The following JARID2 variants were observed in gnomAD, a reference collection of about 807,000 sequenced individuals.
JARID2 encodes protein Jumonji.
Under a neutral mutation model 125.6 loss-of-function variants are expected in JARID2, and 21 were observed. The observed-to-expected ratio is 0.17, with a 90% CI of 0.12 to 0.24. The LOEUF (loss-of-function observed/expected upper bound fraction) is 0.24. Among genes scored for constraint, JARID2 ranks in the 10% least tolerant of loss-of-function variants. JARID2 has a pLI of 1.00. For missense variants in JARID2, 1,303 were observed against 1,639.6 expected, an observed-to-expected ratio of 0.79 and a Z score of 3.55; for synonymous variants, 736 against 661.6, an observed-to-expected ratio of 1.11 and a Z score of -1.73.
intron 4 of JARID2, among the ~76,000 whole-genome samples, chr6:15,457,127 T>C (rs1768220682): frequency 6.6e-6 from 1 of 152,230 alleles, no homozygotes; most frequent in Admixed American, 6.5e-5. Flanking sequence ...CTGATTTTCC[T>C]ACTTAACACT....
intron 3 of JARID2, among the ~76,000 whole-genome samples, chr6:15,443,246 A>G (rs560563224): frequency 6.6e-6 from 1 of 152,216 alleles, no homozygotes; most frequent in East Asian, 1.9e-4. Flanking sequence ...TTCTTCATGG[A>G]TAGAGCTGAT....
At chr6:15,306,479 C>T (rs1353709295) in intron 1 of JARID2, among the ~76,000 whole-genome samples, 3 of 151,714 alleles carry the variant, frequency 2.0e-5, no homozygotes, top group Non-Finnish European at 2.9e-5. Context: ...GGATTACAAA[C>T]GCCTGCCACA....
At chr6:15,275,141 T>TTGA (rs1450904596) in intron 1 of JARID2, among the ~76,000 whole-genome samples, 1 of 152,182 alleles carries the variant, frequency 6.6e-6, no homozygotes, top group African/African-American at 2.4e-5. Flanking sequence ...GAAGAGCTGT[T>TTGA]TGATCTCTCC....
chr6:15,286,704 C>CA (rs1561770961), intron 1 of JARID2, among the ~76,000 whole-genome samples: 2 of 151,164 alleles, frequency 1.3e-5, no homozygotes, highest in East Asian at 2.0e-4. Context: ...AATAAAAATA[C>CA]AAAAAAAATT....
intron 1 of JARID2, among the ~76,000 whole-genome samples, chr6:15,328,807 T>C (rs1407584146): frequency 6.6e-6 from 1 of 152,244 alleles, no homozygotes; most frequent in Non-Finnish European, 1.5e-5. Flanking sequence ...TAATATGGCA[T>C]GGGCTATTAT....
intron 1 of JARID2, among the ~76,000 whole-genome samples, chr6:15,320,745 A>G (rs116633281): frequency 1.3e-5 from 2 of 152,194 alleles, no homozygotes; most frequent in East Asian, 1.9e-4. Context: ...GGAGTTAAGC[A>G]TATGGCCTCT....
intron 3 of JARID2, among the ~76,000 whole-genome samples, chr6:15,419,621 T>C (rs1252063238): frequency 6.6e-6 from 1 of 152,252 alleles, no homozygotes; most frequent in Non-Finnish European, 1.5e-5. Context: ...TTATACAAAA[T>C]ACACCTTCAT....
At chr6:15,424,998 C>A (rs1260591809) in intron 3 of JARID2, among the ~76,000 whole-genome samples, 2 of 152,146 alleles carry the variant, frequency 1.3e-5, no homozygotes, top group African/African-American at 2.4e-5. Context: ...CATTAAGATA[C>A]GTTATTTTAT....
intron 2 of JARID2, among the ~76,000 whole-genome samples, chr6:15,378,125 G>C (rs981839966): frequency 1.3e-5 from 2 of 151,532 alleles, no homozygotes; most frequent in Admixed American, 6.6e-5. Context: ...TTGACCTTGT[G>C]ATCCGCCCAC....
intron 1 of JARID2, among the ~76,000 whole-genome samples, chr6:15,283,341 A>AT (rs58985984): frequency 0.011 from 1,342 of 123,788 alleles, 26 homozygotes; most frequent in East Asian, 0.033. Context: ...TCCTTTAAGT[A>AT]TTTTTTTTTT....
intron 1 of JARID2, among the ~76,000 whole-genome samples, chr6:15,371,596 A>G (rs1420512491): frequency 6.6e-6 from 1 of 152,182 alleles, no homozygotes; most frequent in African/African-American, 2.4e-5. Flanking sequence ...TGCTGTAAAG[A>G]TTAATTCAGC....
intron 1 of JARID2, among the ~76,000 whole-genome samples, chr6:15,257,339 G>A (rs1386563705): frequency 6.6e-6 from 1 of 152,038 alleles, no homozygotes; most frequent in African/African-American, 2.4e-5. Context: ...AGAAATCATT[G>A]AAATCACATA....
At chr6:15,376,955 G>A (rs1475721208) in intron 2 of JARID2, among the ~76,000 whole-genome samples, 2 of 152,158 alleles carry the variant, frequency 1.3e-5, no homozygotes, top group Non-Finnish European at 2.9e-5. Flanking sequence ...GCTGTGTTGT[G>A]CATATATATG....
intron 9 of JARID2, among the ~76,000 whole-genome samples, chr6:15,505,813 T>G (rs1000293433): frequency 3.3e-5 from 5 of 152,242 alleles, no homozygotes; most frequent in African/African-American, 1.2e-4. Flanking sequence ...TGAACCGTGG[T>G]CTAGGACACG....
chr6:15,302,870 G>T (rs1430856851), intron 1 of JARID2, among the ~76,000 whole-genome samples: 1 of 152,114 alleles, frequency 6.6e-6, no homozygotes, highest in Non-Finnish European at 1.5e-5. Flanking sequence ...AAGCAGCTGG[G>T]ATTATAGGCA....
chr6:15,336,826 G>A (rs1164649269), intron 1 of JARID2, among the ~76,000 whole-genome samples: 1 of 152,000 alleles, frequency 6.6e-6, no homozygotes, highest in Non-Finnish European at 1.5e-5. Flanking sequence ...GGGATTACCT[G>A]TGCGAGCCAC....
At chr6:15,400,151 A>G (rs540246707) in intron 2 of JARID2, among the ~76,000 whole-genome samples, 14 of 152,206 alleles carry the variant, frequency 9.2e-5, no homozygotes, top group African/African-American at 2.9e-4. Flanking sequence ...GTTTGATTAG[A>G]TTAGATCAAT....
chr6:15,441,758 C>T (rs564282916), intron 3 of JARID2, among the ~76,000 whole-genome samples: 76 of 152,148 alleles, frequency 5.0e-4, no homozygotes, highest in Non-Finnish European at 9.1e-4. Context: ...TAGAAGCATT[C>T]CACTGGATTT....
intron 1 of JARID2, among the ~76,000 whole-genome samples, chr6:15,348,554 CTTAA>C (rs1763323843): frequency 6.6e-6 from 1 of 152,108 alleles, no homozygotes; most frequent in African/African-American, 2.4e-5. Flanking sequence ...AAAGTTTGAA[CTTAA>C]TTAAATTTTT....
Sources: allele counts gnomAD v4.1 joint callset (sites outside exome capture counted in the v4.1 genomes callset), GRCh38; gene constraint gnomAD v4.1.1; transcripts MANE v1.5; gene names NCBI Gene and HGNC (gene_info 2026-07-23, HGNC 2026-07-21).